CARD8: variants seen among roughly 807,000 people sequenced by gnomAD.
CARD8 encodes caspase recruitment domain-containing protein 8.
Under a neutral mutation model 53.2 loss-of-function variants are expected in CARD8, and 38 were observed. That is an observed-to-expected ratio of 0.71 (90% CI 0.55 to 0.94). The LOEUF (loss-of-function observed/expected upper bound fraction) is 0.94, where lower values mean the gene tolerates loss of function less well. CARD8 is among the 40% of genes least tolerant of loss of function. CARD8 has a pLI of 0.00. For missense variants in CARD8, 561 were observed against 655.5 expected (o/e 0.86, Z 1.57); for synonymous variants, 245 against 244.9 (o/e 1.00, Z 0.00).
intron 1 of CARD8, among the ~76,000 whole-genome samples, chr19:48,251,414 G>A (rs1282317212): frequency 6.6e-6 from 1 of 152,102 alleles, no homozygotes; most frequent in Non-Finnish European, 1.5e-5. Flanking sequence ...GTAAACTATT[G>A]TGTGATCCGC....
At chr19:48,218,557 T>C (rs531871746) in intron 12 of CARD8, among the ~76,000 whole-genome samples, 1 of 152,160 alleles carries the variant, frequency 6.6e-6, no homozygotes, top group South Asian at 2.1e-4. Flanking sequence ...TTTCACCATG[T>C]TGAGCAGGCT....
downstream of CARD8, chr19:48,204,320 G>C (rs1002055276): frequency 5.1e-6 from 2 of 395,636 alleles, no homozygotes; most frequent in African/African-American, 4.1e-5. Context: ...GAGGGATGGA[G>C]GGTGTGCCGG....
At chr19:48,225,017 T>G (rs1183215395) in intron 10 of CARD8, among the ~76,000 whole-genome samples, 1 of 151,506 alleles carries the variant, frequency 6.6e-6, no homozygotes, top group African/African-American at 2.4e-5. Context: ...CCTCCCAAAG[T>G]CCTGGGATTA....
rs1568816436 is a variant in CARD8 at position 48,232,499 on chromosome 19, G to A, written c.351-6C>T. ...ATTCCTGCTCTTCTGATACACTGGA[G>A]GTTGGGATCCCCATGTTACAAAAAG... On this transcript the variant is annotated splice_polypyrimidine_tract_variant and splice_region_variant and intron_variant, in intron 6 of 13. Transcript: ENST00000651546. The A allele has an allele frequency of 5.2e-6, 8 of 1,535,498 alleles. No individual in the cohort carries two copies. Among genetic ancestry groups the A allele is most frequent in the Non-Finnish European group, 7.0e-6 (8 of 1,146,336 alleles).
At chr19:48,223,027 G>A (rs2040994622) in intron 10 of CARD8, among the ~76,000 whole-genome samples, 1 of 152,084 alleles carries the variant, frequency 6.6e-6, no homozygotes, top group African/African-American at 2.4e-5. Context: ...GTAGAGGCCA[G>A]GTGCAGTGGC....
chr19:48,231,606 A>G, intron 8 of CARD8, 54 bp downstream of exon 8: 1 of 1,530,444 alleles, frequency 6.5e-7, no homozygotes, highest in South Asian at 1.3e-5. Flanking sequence ...CCTGGCCTAC[A>G]CACTTCCTTT....
chr19:48,215,684 A>C (rs147418050), intron 12 of CARD8, among the ~76,000 whole-genome samples: 2 of 152,344 alleles, frequency 1.3e-5, no homozygotes, highest in East Asian at 3.9e-4. Context: ...AATTACAGTC[A>C]AAGTGTTTTA....
intron 12 of CARD8, among the ~76,000 whole-genome samples, chr19:48,217,725 G>T (rs1366859056): frequency 1.3e-5 from 2 of 152,154 alleles, no homozygotes; most frequent in Non-Finnish European, 2.9e-5. Context: ...CATCATTGTA[G>T]TTATTCAAAC....
chr19:48,226,844 G>A (rs368961726), intron 10 of CARD8, among the ~76,000 whole-genome samples: 3 of 152,108 alleles, frequency 2.0e-5, no homozygotes, highest in African/African-American at 7.2e-5. Context: ...TCGAGGCCGA[G>A]GGGGGCAGAT....
intron 10 of CARD8, chr19:48,223,768 A>G (rs2145856172): frequency 2.2e-6 from 1 of 450,880 alleles, no homozygotes; most frequent in East Asian, 7.0e-5. Context: ...TTCTTATCAT[A>G]TGCACATATA....
At chr19:48,216,334 A>T (rs987520921) in intron 12 of CARD8, among the ~76,000 whole-genome samples, 1 of 152,218 alleles carries the variant, frequency 6.6e-6, no homozygotes, top group African/African-American at 2.4e-5. Flanking sequence ...GGGGAATCCG[A>T]CATCTGCACG....
Position 48,230,572 on chromosome 19 carries a change from T to C in CARD8, c.901A>G (p.Ile301Val). Residue 301 changes from isoleucine (I) to valine (V), a missense_variant, in exon 10 of 14, where the codon ATC becomes GTC. Coordinates refer to ENST00000651546, the MANE Select transcript of CARD8 (RefSeq NM_001184900.3). ...LESPSFSLMGILLRIASGTRL... is the reference protein window; with the variant it reads ...LESPSFSLMGVLLRIASGTRL... ...GTCCCACTGGCGATCCGCAGCAGGATGCCCATCAGAGAGAAGCTGGGGCTT... is the reference window on the plus strand; with the variant it reads ...GTCCCACTGGCGATCCGCAGCAGGACGCCCATCAGAGAGAAGCTGGGGCTT... 2 of 1,614,144 alleles carry C rather than the reference T, an allele frequency of 1.2e-6. No individual in the cohort carries two copies. The highest frequency in any genetic ancestry group is 1.7e-6 in the Non-Finnish European group (2 of 1,180,038).
chr19:48,248,114 G>GA, intron 3 of CARD8, among the ~76,000 whole-genome samples: 2 of 151,820 alleles, frequency 1.3e-5, no homozygotes, highest in Non-Finnish European at 2.9e-5. Context: ...ATCTTCACAA[G>GA]AAAAAAATGC....
intron 12 of CARD8, among the ~76,000 whole-genome samples, chr19:48,217,764 A>G (rs2039635937): frequency 6.6e-6 from 1 of 152,194 alleles, no homozygotes; most frequent in South Asian, 2.1e-4. Flanking sequence ...AATGTATTGG[A>G]GATATAAATG....
downstream of CARD8, among the ~76,000 whole-genome samples, chr19:48,205,886 G>A (rs2037326104): frequency 6.6e-6 from 1 of 151,940 alleles, no homozygotes; most frequent in African/African-American, 2.4e-5. Flanking sequence ...GCATTGTGCA[G>A]TTGTTATAGG....
At chr19:48,207,124 C>T (rs934624604), downstream of CARD8, among the ~76,000 whole-genome samples, 11 of 142,636 alleles carry the variant, frequency 7.7e-5, no homozygotes, top group Admixed American at 7.5e-5. Flanking sequence ...GCCGAGATCA[C>T]GCCACTGCAC....
In CARD8 at chr19:48,228,701, A is replaced by C. The variant is rs147924317; in HGVS notation, c.1035+1737T>G. Among the ~76,000 whole-genome samples, 18 of 152,254 alleles carry C rather than the reference A, an allele frequency of 1.2e-4. No individual in the cohort carries two copies. In the East Asian group the frequency reaches 3.5e-3, roughly 29 times the overall value. Reference sequence around the variant, plus strand: ...GCATTTCCAATGTGGGGGCCATTCTAGATTTTGGCGGGTGGAAGGGAGTGA... The same window carrying C: ...GCATTTCCAATGTGGGGGCCATTCTCGATTTTGGCGGGTGGAAGGGAGTGA... On this transcript the variant is annotated intron_variant, in intron 10 of 13. Transcript: ENST00000651546.
chr19:48,255,195 G>A (rs1054330108), intron 1 of CARD8, among the ~76,000 whole-genome samples: 2 of 152,054 alleles, frequency 1.3e-5, no homozygotes, highest in Admixed American at 6.6e-5. Context: ...GTGAAACCCC[G>A]TCTCTACTAA....
downstream of CARD8, among the ~76,000 whole-genome samples, chr19:48,207,050 C>A (rs1363524524): frequency 6.6e-6 from 1 of 151,780 alleles, no homozygotes; most frequent in African/African-American, 2.4e-5. Flanking sequence ...CACCTGTAAT[C>A]CCAGCTACTC....
Sources: gnomAD v4.1 joint callset for allele counts (sites outside exome capture counted in the v4.1 genomes callset) on GRCh38, gnomAD v4.1.1 for gene constraint, MANE v1.5 for transcripts, NCBI Gene and HGNC (gene_info 2026-07-23, HGNC 2026-07-21) for gene names.